ATP2B3: variants seen among roughly 807,000 people sequenced by gnomAD.
ATP2B3 encodes ATPase plasma membrane Ca2+ transporting 3, also known as plasma membrane calcium-transporting ATPase 3.
Under a neutral mutation model 70.8 loss-of-function variants are expected in ATP2B3, and 12 were observed. That is an observed-to-expected ratio of 0.17 (90% CI 0.11 to 0.27). ATP2B3 has a LOEUF of 0.27. Among genes scored for constraint, ATP2B3 ranks in the 10% least tolerant of loss-of-function variants. ATP2B3 has a pLI of 1.00. For missense variants in ATP2B3, 858 were observed against 1,118.5 expected, an observed-to-expected ratio of 0.77 and a Z score of 3.32; for synonymous variants, 460 against 497.8, an observed-to-expected ratio of 0.92 and a Z score of 1.01.
intron 21 of ATP2B3, among the ~76,000 whole-genome samples, chrX:153,576,538 G>A (rs1557021423): frequency 1.8e-5 from 2 of 111,939 alleles, no homozygotes; most frequent in East Asian, 2.8e-4. Context: ...TTAGGCATCC[G>A]AGGGGGAACA....
intron 21 of ATP2B3, among the ~76,000 whole-genome samples, chrX:153,579,001 C>T (rs2090891562): frequency 8.9e-6 from 1 of 112,861 alleles, no homozygotes; most frequent in Admixed American, 9.3e-5. Context: ...CAGCTGGGGA[C>T]TGCTGGGCTC....
chrX:153,548,230 A>T (rs2090400381), intron 9 of ATP2B3, among the ~76,000 whole-genome samples: 1 of 112,542 alleles, frequency 8.9e-6, no homozygotes. Flanking sequence ...CGGGTCACAC[A>T]CTGAGCCACT....
At chrX:153,550,539 G>C (rs1301812655) in intron 12 of ATP2B3, among the ~76,000 whole-genome samples, 1 of 111,944 alleles carries the variant, frequency 8.9e-6, no homozygotes, top group Non-Finnish European at 1.9e-5. Context: ...TGTGCTTCCT[G>C]TCTGTATGGA....
chrX:153,557,590 C>G (rs1557014328), intron 16 of ATP2B3, among the ~76,000 whole-genome samples: 1 of 112,312 alleles, frequency 8.9e-6, no homozygotes, highest in African/African-American at 3.2e-5. Context: ...GAGCTCCAGC[C>G]CAAGCTTCGA....
At chrX:153,557,289 G>A (rs1445371021) in intron 16 of ATP2B3, among the ~76,000 whole-genome samples, 1 of 111,874 alleles carries the variant, frequency 8.9e-6, no homozygotes, top group Non-Finnish European at 1.9e-5. Context: ...GGGGGGTGGG[G>A]GCTCATCACT....
At chrX:153,531,637 G>A (rs991323478) in intron 2 of ATP2B3, among the ~76,000 whole-genome samples, 1 of 112,576 alleles carries the variant, frequency 8.9e-6, no homozygotes, top group Non-Finnish European at 1.9e-5. Context: ...TCGGGGCCAC[G>A]GCATCCTGGG....
intron 12 of ATP2B3, 143 bp downstream of exon 12, chrX:153,550,429 A>G: frequency 1.1e-6 from 1 of 949,164 alleles, no homozygotes; most frequent in Non-Finnish European, 1.4e-6. Context: ...TCACAATATC[A>G]TGCAACCGTC....
Position 153,546,118 on chromosome X carries a change from G to C in ATP2B3, c.947G>C (p.Ser316Thr), listed in dbSNP as rs782255236. Residue 316 changes from serine to threonine, a missense_variant, in exon 8 of 22, where the codon AGC becomes ACC. Physicochemically the swap from Ser to Thr is moderately conservative, Grantham distance 58 (BLOSUM62 1). Coordinates refer to ENST00000263519, the MANE Select transcript of ATP2B3 (RefSeq NM_001001344.3). The part of the protein sequence containing the change: ...GKQQDGAMES[S>T]QTKAKKQDGA... ...CAGCAGGATGGGGCCATGGAGAGTAGCCAGACCAAAGGTAACGGGCGCCGC... is the reference window on the plus strand; with the variant it reads ...CAGCAGGATGGGGCCATGGAGAGTACCCAGACCAAAGGTAACGGGCGCCGC... 3 of 1,211,587 alleles carry C rather than the reference G, an allele frequency of 2.5e-6. No homozygotes were observed. The highest frequency in any genetic ancestry group is 1.1e-6 in the Non-Finnish European group (1 of 895,440).
chrX:153,549,507 A>G lies in ATP2B3; in HGVS notation c.1349A>G (p.Lys450Arg). The change falls in exon 11 of 22, where the codon AAA (lysine) becomes AGA (arginine). Residue 450 changes from lysine (K) to arginine (R), a missense_variant. Around this residue, in one of 5 missense-constraint regions of ATP2B3, gnomAD observed 23 missense variants for 59.0 expected, o/e 0.39. Transcript: ENST00000263519. ...CCTCGCCCTTTGCAGAAAATGATGA[A>G]AGACAACAACCTGGTGCGCCACCTG... The part of the protein sequence containing the change: ...SLAYSVKKMM[K>R]DNNLVRHLDA... 1 of 1,211,450 alleles carries G rather than the reference A, an allele frequency of 8.3e-7. No individual in the cohort carries two copies. Among genetic ancestry groups the G allele is most frequent in the Non-Finnish European group, 1.1e-6 (1 of 895,247 alleles).
At chrX:153,543,266 G>A (rs1557007501) in intron 7 of ATP2B3, 98 bp downstream of exon 7, 1 of 1,071,282 alleles carries the variant, frequency 9.3e-7, no homozygotes, top group Non-Finnish European at 1.2e-6. Flanking sequence ...GGCTCAGGGA[G>A]AGCCAGCCCA....
At chrX:153,540,974 TG>T (rs1231655438) in intron 3 of ATP2B3, among the ~76,000 whole-genome samples, 1 of 112,284 alleles carries the variant, frequency 8.9e-6, no homozygotes, top group Non-Finnish European at 1.9e-5. Context: ...GTCCCCTCTG[TG>T]CCCCCTTGTT....
chrX:153,556,065 G>A lies in ATP2B3; in HGVS notation c.2075G>A (p.Arg692Gln), dbSNP rs143426870. Residue 692 changes from arginine to glutamine, a missense_variant, in exon 14 of 22, where the codon CGA (arginine) becomes CAA (glutamine). Physicochemically the swap from Arg to Gln is conservative, Grantham distance 43. Coordinates refer to ENST00000263519, the MANE Select transcript of ATP2B3 (RefSeq NM_001001344.3). ...CTCTTCTAGGTCCCTGAAGCTATCC[G>A]AAAATGCCAGCGTGCTGGCATCACA... ...PVRPEVPEAI[R>Q]KCQRAGITVR... 1.9e-5 allele frequency: 23 copies of A among 1,211,281 alleles called. No individual in the cohort carries two copies. The highest frequency in any genetic ancestry group is 2.3e-4 in the Middle Eastern group (1 of 4,376).
At chrX:153,531,484 G>A (rs1013760807) in intron 2 of ATP2B3, among the ~76,000 whole-genome samples, 5 of 113,294 alleles carry the variant, frequency 4.4e-5, no homozygotes, top group African/African-American at 1.6e-4. Context: ...TCTGAAAGGC[G>A]GGCCCTTGCT....
intron 2 of ATP2B3, 127 bp from the exon 3 acceptor site, chrX:153,535,995 G>A (rs782535870): frequency 2.4e-6 from 1 of 425,204 alleles, no homozygotes; most frequent in South Asian, 3.3e-5. Flanking sequence ...CAGCCTGGGA[G>A]GTGATTTCTG....
chrX:153,579,855 C>T (rs2090901144), intron 21 of ATP2B3, 123 bp from the exon 22 acceptor site: 1 of 617,806 alleles, frequency 1.6e-6, no homozygotes, highest in Admixed American at 3.3e-5. Context: ...TTACCAGCAC[C>T]AGCCGGCCAC....
chrX:153,559,693 G>A (rs2090594682), intron 17 of ATP2B3, 36 bp from the exon 18 acceptor site: 1 of 1,180,447 alleles, frequency 8.5e-7, no homozygotes, highest in Non-Finnish European at 1.1e-6. Context: ...TCCCGGGCAG[G>A]CGGCCCATGG....
chrX:153,549,299 G>GC (rs1256775532), intron 10 of ATP2B3, among the ~76,000 whole-genome samples, 198 bp from the exon 11 acceptor site: 2 of 110,062 alleles, frequency 1.8e-5, no homozygotes, highest in Non-Finnish European at 3.8e-5. Flanking sequence ...TGCGCATCCC[G>GC]CCCCCACCAT....
At chrX:153,568,665 G>A (rs1159042320) in intron 21 of ATP2B3, among the ~76,000 whole-genome samples, 1 of 112,096 alleles carries the variant, frequency 8.9e-6, no homozygotes, top group Non-Finnish European at 1.9e-5. Flanking sequence ...AGAAGAAGGA[G>A]GAGTCCTTTC....
intron 7 of ATP2B3, among the ~76,000 whole-genome samples, chrX:153,544,046 T>C (rs1285267873): frequency 1.8e-5 from 2 of 112,993 alleles, no homozygotes; most frequent in African/African-American, 6.4e-5. Flanking sequence ...GATGACCCTC[T>C]GTGGCCTAGA....
Sources: allele counts gnomAD v4.1 joint callset (sites outside exome capture counted in the v4.1 genomes callset), GRCh38; gene constraint gnomAD v4.1.1; regional missense constraint gnomAD v4.1.1; transcripts MANE v1.5; gene names NCBI Gene and HGNC (gene_info 2026-07-23, HGNC 2026-07-21).